The following NBEAL1 variants were observed in gnomAD, a reference collection of about 807,000 sequenced individuals.
NBEAL1 encodes neurobeachin-like protein 1.
NBEAL1 carries 273 observed loss-of-function variants against 351.3 expected under a neutral mutation model. That is an observed-to-expected ratio of 0.78 (90% CI 0.70 to 0.86). The LOEUF (loss-of-function observed/expected upper bound fraction) is 0.86, where lower values mean the gene tolerates loss of function less well. NBEAL1 is among the 40% of genes least tolerant of loss of function. The pLI is 0.00. For missense variants in NBEAL1, 2,961 were observed against 3,201.3 expected (o/e 0.92, Z 1.81); for synonymous variants, 1,050 against 1,086.4 (o/e 0.97, Z 0.66).
At chr2:203,114,504 TG>T (rs1213425400) in intron 17 of NBEAL1, among the ~76,000 whole-genome samples, 1 of 152,220 alleles carries the variant, frequency 6.6e-6, no homozygotes, top group Admixed American at 6.5e-5. Context: ...TTTGGCTTTT[TG>T]TTTTTCTTTT....
At chr2:203,171,820 A>G in intron 39 of NBEAL1, 108 bp from the exon 40 acceptor site, 1 of 419,752 alleles carries the variant, frequency 2.4e-6, no homozygotes, top group Non-Finnish European at 4.1e-6. Context: ...TCCCTGTTGT[A>G]CCTTTTTTTT....
At chr2:203,170,139 G>A (rs937447197) in intron 39 of NBEAL1, among the ~76,000 whole-genome samples, 1 of 152,184 alleles carries the variant, frequency 6.6e-6, no homozygotes, top group Non-Finnish European at 1.5e-5. Flanking sequence ...GGGAGGCTGA[G>A]GCAGGCGGAT....
At chr2:203,063,178 G>A (rs1001802185) in intron 6 of NBEAL1, among the ~76,000 whole-genome samples, 1 of 151,986 alleles carries the variant, frequency 6.6e-6, no homozygotes. Context: ...TAAAATAAGT[G>A]TAGGGAAATA....
intron 18 of NBEAL1, among the ~76,000 whole-genome samples, chr2:203,121,388 C>T (rs1234736497): frequency 6.6e-6 from 1 of 152,118 alleles, no homozygotes; most frequent in Non-Finnish European, 1.5e-5. Context: ...TGCAGTGGCT[C>T]ATGCCTGTAA....
intron 12 of NBEAL1, among the ~76,000 whole-genome samples, chr2:203,100,791 G>A (rs968532060): frequency 2.6e-5 from 4 of 152,066 alleles, no homozygotes; most frequent in South Asian, 4.2e-4. Context: ...CAGGTGATCC[G>A]CCTGCCTCGA....
chr2:203,087,090 CT>C (rs1003638123), intron 10 of NBEAL1, among the ~76,000 whole-genome samples: 274 of 121,044 alleles, frequency 2.3e-3, no homozygotes, highest in African/African-American at 4.5e-3. Context: ...CTTTTTCACT[CT>C]TTTTTTTTTT....
At chr2:203,102,503 G>T (rs770139930) in intron 12 of NBEAL1, among the ~76,000 whole-genome samples, 1 of 152,138 alleles carries the variant, frequency 6.6e-6, no homozygotes, top group Non-Finnish European at 1.5e-5. Flanking sequence ...TTTGTTGAGG[G>T]TTTTTAACAT....
chr2:203,166,535 A>T (rs1315353328), intron 37 of NBEAL1, among the ~76,000 whole-genome samples: 2 of 152,014 alleles, frequency 1.3e-5, no homozygotes, highest in African/African-American at 4.8e-5. Context: ...TAAGTTACAA[A>T]ATACAGTGTT....
intron 9 of NBEAL1, 81 bp from the exon 10 acceptor site, chr2:203,084,382 A>G: frequency 1.6e-6 from 1 of 627,004 alleles, no homozygotes; most frequent in African/African-American, 1.9e-5. Context: ...TAAAAATTAA[A>G]AAGAAAAATG....
chr2:203,206,904 TC>T (rs2065595227), intron 51 of NBEAL1, among the ~76,000 whole-genome samples: 1 of 150,986 alleles, frequency 6.6e-6, no homozygotes, highest in South Asian at 2.1e-4. Context: ...GAGGAGCCCT[TC>T]TGCCTGGCTG....
In NBEAL1 at chr2:203,049,805, CT is replaced by C. The variant is rs2061295692; in HGVS notation, c.144-8del. ...ACAGGCTTCTTATTTTTTTCCCTTT[CT>C]GTTGTAGGGTAGATGATATGCCTCC... On this transcript the variant is annotated splice_region_variant and splice_polypyrimidine_tract_variant and intron_variant, in intron 3 of 55. Coordinates refer to ENST00000683969, the MANE Select transcript of NBEAL1 (RefSeq NM_001378026.1). 1 of 1,502,106 alleles carries C rather than the reference CT, an allele frequency of 6.7e-7. No individual in the cohort carries two copies. 93.0% of individuals were successfully genotyped at this position (1,502,106 alleles called of 1,614,324 possible).
At chr2:203,043,071 A>G (rs565062155) in intron 3 of NBEAL1, among the ~76,000 whole-genome samples, 1 of 152,336 alleles carries the variant, frequency 6.6e-6, no homozygotes, top group Admixed American at 6.5e-5. Flanking sequence ...TGGGACAAAG[A>G]CCAGATATAT....
At chr2:203,101,853 C>T (rs913748421) in intron 12 of NBEAL1, among the ~76,000 whole-genome samples, 1 of 152,180 alleles carries the variant, frequency 6.6e-6, no homozygotes, top group Non-Finnish European at 1.5e-5. Context: ...ACCTCGGCCT[C>T]CTAAAGTGCT....
chr2:203,060,419 A>G (rs2061479849), intron 6 of NBEAL1, among the ~76,000 whole-genome samples: 1 of 152,210 alleles, frequency 6.6e-6, no homozygotes, highest in Non-Finnish European at 1.5e-5. Flanking sequence ...ACATGAGGCC[A>G]GTCAGAAAAT....
chr2:203,202,840 C>A, intron 51 of NBEAL1, 59 bp downstream of exon 51: 2 of 927,492 alleles, frequency 2.2e-6, no homozygotes, highest in Non-Finnish European at 3.5e-6. Flanking sequence ...AGAATACTAG[C>A]AAAATGTTCT....
intron 10 of NBEAL1, among the ~76,000 whole-genome samples, chr2:203,096,891 A>G (rs759965480): frequency 7.9e-5 from 12 of 152,190 alleles, no homozygotes; most frequent in South Asian, 2.1e-4. Context: ...GTACTACGGT[A>G]TCTTTGGTTT....
intron 18 of NBEAL1, among the ~76,000 whole-genome samples, chr2:203,116,761 G>A (rs1274214978): frequency 2.8e-5 from 4 of 142,202 alleles, no homozygotes; most frequent in Non-Finnish European, 6.0e-5. Flanking sequence ...TTACGCTCCA[G>A]CCTAGGCAAC....
intron 2 of NBEAL1, among the ~76,000 whole-genome samples, chr2:203,024,817 G>A (rs908117585): frequency 2.6e-5 from 4 of 152,038 alleles, no homozygotes; most frequent in East Asian, 1.9e-4. Context: ...AGCCGAGATC[G>A]CACCACTGTA....
intron 36 of NBEAL1, among the ~76,000 whole-genome samples, chr2:203,162,878 G>C (rs1437467902): frequency 1.3e-5 from 2 of 151,936 alleles, no homozygotes; most frequent in East Asian, 2.0e-4. Context: ...CCTCAGCCAG[G>C]TGCGGTGGCT....
Sources: gnomAD v4.1 joint callset for allele counts (sites outside exome capture counted in the v4.1 genomes callset) on GRCh38, gnomAD v4.1.1 for gene constraint, MANE v1.5 for transcripts, NCBI Gene and HGNC (gene_info 2026-07-23, HGNC 2026-07-21) for gene names.